SLC9A1: variants seen among roughly 807,000 people sequenced by gnomAD.
The protein encoded by SLC9A1 is solute carrier family 9 member A1.
Under a neutral mutation model 67.9 loss-of-function variants are expected in SLC9A1, and 22 were observed. The observed-to-expected ratio is 0.32, with a 90% CI of 0.23 to 0.46. The LOEUF (loss-of-function observed/expected upper bound fraction) is 0.46, where lower values mean the gene tolerates loss of function less well. Ranked by LOEUF, SLC9A1 falls within the 20% of genes least tolerant of loss-of-function variation. The pLI, the probability that SLC9A1 is intolerant of heterozygous loss-of-function variation, is 1.00. For missense variants in SLC9A1, 686 were observed against 1,094.8 expected (o/e 0.63, Z 5.27); for synonymous variants, 421 against 471.8 (o/e 0.89, Z 1.40).
intron 1 of SLC9A1, among the ~76,000 whole-genome samples, chr1:27,119,576 C>G (rs1057348638): frequency 6.6e-6 from 1 of 152,162 alleles, no homozygotes; most frequent in Admixed American, 6.5e-5. Flanking sequence ...CTACAGTTTA[C>G]AGCGGCACAC....
At chr1:27,131,742 T>C in intron 1 of SLC9A1, among the ~76,000 whole-genome samples, 1 of 111,978 alleles carries the variant, frequency 8.9e-6, no homozygotes, top group African/African-American at 3.6e-5. Flanking sequence ...TGAGACTCTG[T>C]CTCAAAAAAA....
chr1:27,106,848 G>C lies in SLC9A1; in HGVS notation c.1283-761C>G, dbSNP rs2083188327. Among the ~76,000 whole-genome samples the C allele has an allele frequency of 6.6e-6, 1 of 151,952 alleles. No homozygotes were observed. Among genetic ancestry groups the C allele is most frequent in the Non-Finnish European group, 1.5e-5 (1 of 67,932 alleles). On this transcript the variant is annotated intron_variant, in intron 4 of 11. Coordinates refer to ENST00000263980, the MANE Select transcript of SLC9A1 (RefSeq NM_003047.5). This position sits in a 1 kb window ranked among gnomAD's most constrained non-coding sequence, Gnocchi z 4.3. ...CACTCAGCTCAGAGTCACAGACCTG[G>C]GTTCTGTGGGCCTCAGGCCCCTCAT...
rs376915419 is a variant in SLC9A1, at chr1:27,150,324, G to A, written c.352+3659C>T. On this transcript the variant is annotated intron_variant, in intron 1 of 11. Coordinates refer to ENST00000263980, the MANE Select transcript of SLC9A1 (RefSeq NM_003047.5). The stretch of plus-strand genomic sequence containing the variant: ...TATAAAGGGACAAAAGAAGCCTTTT[G>A]TGTCCCTGGTCAGGAGACAAGATGA... Among the ~76,000 whole-genome samples the A allele has an allele frequency of 2.0e-5, 3 of 152,206 alleles. No individual in the cohort carries two copies. In the East Asian group the frequency reaches 5.8e-4, roughly 29 times the overall value.
At position 27,109,440 on chromosome 1, in the gene SLC9A1, T is replaced by C; in HGVS notation, c.1064+87A>G. The C allele has an allele frequency of 7.0e-7, 1 of 1,425,126 alleles. No individual in the cohort carries two copies. Among genetic ancestry groups the C allele is most frequent in the Non-Finnish European group, 9.7e-7 (1 of 1,031,784 alleles). 88.3% of individuals were successfully genotyped at this position (1,425,126 alleles called of 1,614,324 possible). ...GAGCTCAAGGCTGGGCCCTGGGAGC[T>C]CCGTGAACCTACGAGCCTGGGGAAT... On this transcript the variant is annotated intron_variant, in intron 3 of 11. Transcript: ENST00000263980. The surrounding 1 kb of genome is among the most constrained non-coding windows in gnomAD (Gnocchi z 5.5).
chr1:27,101,170 GC>G lies in SLC9A1; in HGVS notation c.2110+32del. 1 of 1,558,598 alleles carries G rather than the reference GC, an allele frequency of 6.4e-7. No individual in the cohort carries two copies. On this transcript the variant is annotated intron_variant, in intron 11 of 11. Coordinates refer to ENST00000263980, the MANE Select transcript of SLC9A1 (RefSeq NM_003047.5). The surrounding 1 kb of genome is among the most constrained non-coding windows in gnomAD (Gnocchi z 4.9). Reference sequence around the variant, plus strand: ...TCCTCAGGAGGTGGCAGCTCAGAGTGCCCAGTCCTGAGGCCCCTCGCCAGGC... The same window carrying G: ...TCCTCAGGAGGTGGCAGCTCAGAGTGCCAGTCCTGAGGCCCCTCGCCAGGC...
chr1:27,131,177 AC>A (rs2083381755), intron 1 of SLC9A1, among the ~76,000 whole-genome samples: 1 of 152,186 alleles, frequency 6.6e-6, no homozygotes, highest in Non-Finnish European at 1.5e-5. Flanking sequence ...ACTGGGCAGG[AC>A]AAGGAGGGTC....
intron 1 of SLC9A1, among the ~76,000 whole-genome samples, chr1:27,115,928 C>A (rs554820026): frequency 6.6e-6 from 1 of 152,114 alleles, no homozygotes; most frequent in Non-Finnish European, 1.5e-5. Context: ...CGATAACCTG[C>A]ATGCCTGGCC....
Position 27,118,236 on chromosome 1 carries a change from C to T in SLC9A1, c.353-3950G>A, listed in dbSNP as rs2083284426. Among the ~76,000 whole-genome samples, 1 of 152,134 alleles carries T rather than the reference C, an allele frequency of 6.6e-6. No homozygotes were observed. The highest frequency in any genetic ancestry group is 1.5e-5 in the Non-Finnish European group (1 of 68,030). ...TCTAGGCCCTGATGGGCTCTCTGGG[C>T]CTGAGGGGAGGGCCGGGCCGGGCCA... On this transcript the variant is annotated intron_variant, in intron 1 of 11. Coordinates refer to ENST00000263980, the MANE Select transcript of SLC9A1 (RefSeq NM_003047.5). This position sits in a 1 kb window ranked among gnomAD's most constrained non-coding sequence, Gnocchi z 4.3.
chr1:27,133,526 G>A (rs2083399705), intron 1 of SLC9A1, among the ~76,000 whole-genome samples: 1 of 152,218 alleles, frequency 6.6e-6, no homozygotes, highest in African/African-American at 2.4e-5. Flanking sequence ...AGGTGAGGGA[G>A]TGGGGTCCTG....
At chr1:27,105,462 C>G in intron 5 of SLC9A1, 1 of 481,050 alleles carries the variant, frequency 2.1e-6, no homozygotes, top group East Asian at 3.8e-5. Context: ...ACCATGCCCA[C>G]TAATTTTGTA....
chr1:27,123,147 T>A (rs937070182), intron 1 of SLC9A1, among the ~76,000 whole-genome samples: 1 of 152,168 alleles, frequency 6.6e-6, no homozygotes, highest in African/African-American at 2.4e-5. Context: ...AAAATGGAAA[T>A]ATATTATATT....
At chr1:27,150,807 A>C (rs527939616) in intron 1 of SLC9A1, among the ~76,000 whole-genome samples, 4 of 152,234 alleles carry the variant, frequency 2.6e-5, no homozygotes, top group Non-Finnish European at 5.9e-5. Context: ...AGTCTACCCG[A>C]GGCTCTGCTC....
intron 1 of SLC9A1, among the ~76,000 whole-genome samples, chr1:27,131,947 A>AAAAAAAATATATAT: frequency 5.2e-4 from 27 of 52,106 alleles, no homozygotes; most frequent in African/African-American, 1.1e-3. Flanking sequence ...AGAAAAAAAA[A>AAAAAAAATATATAT]ATATATATAT....
chr1:27,124,493 A>G (rs2083327114), intron 1 of SLC9A1, among the ~76,000 whole-genome samples: 2 of 152,250 alleles, frequency 1.3e-5, no homozygotes, highest in South Asian at 2.1e-4. Context: ...CCAGTAGGAA[A>G]GCAACACAAA....
At chr1:27,142,376 A>G (rs1481410037) in intron 1 of SLC9A1, among the ~76,000 whole-genome samples, 1 of 152,256 alleles carries the variant, frequency 6.6e-6, no homozygotes, top group Non-Finnish European at 1.5e-5. Context: ...GGGGGTTACA[A>G]GCTATGATAA....
At position 27,109,430 on chromosome 1, in the gene SLC9A1, C is replaced by A; in HGVS notation, c.1064+97G>T. On this transcript the variant is annotated intron_variant, in intron 3 of 11. Coordinates refer to ENST00000263980, the MANE Select transcript of SLC9A1 (RefSeq NM_003047.5). This position sits in a 1 kb window ranked among gnomAD's most constrained non-coding sequence, Gnocchi z 5.5. The stretch of plus-strand genomic sequence containing the variant: ...CTCATCCCTGGAGCTCAAGGCTGGG[C>A]CCTGGGAGCTCCGTGAACCTACGAG... 2 of 1,332,600 alleles carry A rather than the reference C, an allele frequency of 1.5e-6. No homozygotes were observed. Among genetic ancestry groups the A allele is most frequent in the Non-Finnish European group, 2.1e-6 (2 of 949,962 alleles). 82.5% of individuals were successfully genotyped at this position (1,332,600 alleles called of 1,614,324 possible). A position where few individuals can be genotyped will look rare whatever the true frequency, so the allele number is the denominator to read the frequency against.
At chr1:27,107,099 CCACACACA>C (rs141172880) in intron 4 of SLC9A1, among the ~76,000 whole-genome samples, 5 of 137,982 alleles carry the variant, frequency 3.6e-5, no homozygotes, top group South Asian at 4.7e-4. Context: ...CCCAGCCCCT[CCACACACA>C]CACACACACA....
chr1:27,123,508 GC>G (rs2083319093), intron 1 of SLC9A1, among the ~76,000 whole-genome samples: 1 of 151,240 alleles, frequency 6.6e-6, no homozygotes, highest in South Asian at 2.1e-4. Flanking sequence ...TTTTTATTGG[GC>G]TTTTTTTTTT....
intron 5 of SLC9A1, among the ~76,000 whole-genome samples, chr1:27,104,664 T>C (rs760759872): frequency 1.1e-4 from 16 of 152,166 alleles, no homozygotes; most frequent in East Asian, 7.7e-4. Context: ...CCTGGGATCA[T>C]AGGCGTGAGC....
Sources: allele counts gnomAD v4.1 joint callset (sites outside exome capture counted in the v4.1 genomes callset), GRCh38; gene constraint gnomAD v4.1.1; non-coding constraint Gnocchi (gnomAD v3.1); transcripts MANE v1.5; gene names NCBI Gene and HGNC (gene_info 2026-07-23, HGNC 2026-07-21).